Variants in CRPPA observed in about 807,000 individuals in gnomAD.
The protein encoded by CRPPA is D-ribitol-5-phosphate cytidylyltransferase.
A neutral mutation model predicts 52.0 loss-of-function variants in CRPPA; 43 were observed. The observed-to-expected ratio is 0.83, with a 90% CI of 0.65 to 1.07. CRPPA has a LOEUF of 1.07. Among genes scored for constraint, CRPPA ranks in the 50% least tolerant of loss-of-function variants. The probability of loss-of-function intolerance (pLI) is 0.00; values close to 1 mark genes in which losing one functional copy is unlikely to be tolerated. For synonymous variants in CRPPA, 250 were observed against 203.5 expected (o/e 1.23, Z -1.94); for missense variants, 629 against 551.7 (o/e 1.14, Z -1.40).
At chr7:16,201,679 C>T (rs1781863695) in intron 9 of CRPPA, among the ~76,000 whole-genome samples, 2 of 152,170 alleles carry the variant, frequency 1.3e-5, no homozygotes, top group South Asian at 4.1e-4. Flanking sequence ...TTGTAACACT[C>T]CTGCTCGCTG....
At chr7:16,174,918 C>G (rs1389459448) in intron 9 of CRPPA, among the ~76,000 whole-genome samples, 1 of 152,152 alleles carries the variant, frequency 6.6e-6, no homozygotes, top group Non-Finnish European at 1.5e-5. Context: ...GGTTAAACCA[C>G]TAACCTGCAG....
At chr7:16,113,856 G>C (rs1025846645) in intron 9 of CRPPA, among the ~76,000 whole-genome samples, 2 of 151,868 alleles carry the variant, frequency 1.3e-5, no homozygotes, top group African/African-American at 2.4e-5. Flanking sequence ...AATAATCTCT[G>C]AATCAAGGTC....
At chr7:16,329,586 C>A (rs6945845) in intron 3 of CRPPA, among the ~76,000 whole-genome samples, 3,970 of 152,196 alleles carry the variant, frequency 0.026, 159 homozygotes, top group African/African-American at 0.091. Context: ...AGGTTTTAAA[C>A]TACATATGTG....
chr7:16,370,631 AG>A (rs1786724358), intron 3 of CRPPA, among the ~76,000 whole-genome samples: 2 of 152,202 alleles, frequency 1.3e-5, no homozygotes, highest in Non-Finnish European at 2.9e-5. Flanking sequence ...CTCGAGTCCC[AG>A]ATCTTTCCGC....
intron 9 of CRPPA, among the ~76,000 whole-genome samples, chr7:16,199,096 A>G (rs1223808447): frequency 2.0e-5 from 3 of 152,168 alleles, no homozygotes; most frequent in Non-Finnish European, 4.4e-5. Flanking sequence ...GCTCTCTCCC[A>G]GACTTCCAAT....
At chr7:16,259,346 G>A (rs922511438) in intron 6 of CRPPA, among the ~76,000 whole-genome samples, 1 of 152,000 alleles carries the variant, frequency 6.6e-6, no homozygotes, top group Non-Finnish European at 1.5e-5. Flanking sequence ...GACTAAAAGA[G>A]AAAGGGTGCA....
intron 9 of CRPPA, among the ~76,000 whole-genome samples, chr7:16,114,482 G>A (rs942495277): frequency 6.6e-5 from 10 of 152,030 alleles, no homozygotes; most frequent in Non-Finnish European, 1.5e-4. Flanking sequence ...AATATGAAAA[G>A]AAAGAAGGGA....
intron 5 of CRPPA, among the ~76,000 whole-genome samples, chr7:16,286,080 T>G (rs865935176): frequency 0.033 from 564 of 17,270 alleles, 31 homozygotes; most frequent in Non-Finnish European, 0.038. Flanking sequence ...TATATATATA[T>G]AATATTTAAA....
chr7:16,337,732 T>G (rs1267594695), intron 3 of CRPPA, among the ~76,000 whole-genome samples: 1 of 152,018 alleles, frequency 6.6e-6, no homozygotes, highest in Non-Finnish European at 1.5e-5. Flanking sequence ...AAAAGATTAC[T>G]AAAAACAATT....
intron 8 of CRPPA, among the ~76,000 whole-genome samples, chr7:16,244,159 T>C (rs1057198529): frequency 6.6e-6 from 1 of 152,152 alleles, no homozygotes; most frequent in Non-Finnish European, 1.5e-5. Context: ...CTCTTCATGG[T>C]GAAAATTTGT....
intron 8 of CRPPA, among the ~76,000 whole-genome samples, chr7:16,229,891 C>T (rs1204115716): frequency 1.3e-5 from 2 of 152,080 alleles, no homozygotes; most frequent in African/African-American, 2.4e-5. Context: ...TTCTGAAGGA[C>T]ACCTTTGCTG....
intron 9 of CRPPA, among the ~76,000 whole-genome samples, chr7:16,206,273 G>C (rs1781971799): frequency 6.6e-6 from 1 of 152,084 alleles, no homozygotes; most frequent in Non-Finnish European, 1.5e-5. Context: ...ATACATACCA[G>C]TAGGTAATAT....
chr7:16,099,569 G>A (rs1358144024), intron 9 of CRPPA, among the ~76,000 whole-genome samples: 1 of 152,082 alleles, frequency 6.6e-6, no homozygotes, highest in Non-Finnish European at 1.5e-5. Flanking sequence ...GTAAAACCCT[G>A]TAAGGCAGCA....
At chr7:16,381,400 T>C (rs1384668123) in intron 2 of CRPPA, among the ~76,000 whole-genome samples, 3 of 152,010 alleles carry the variant, frequency 2.0e-5, no homozygotes, top group Non-Finnish European at 2.9e-5. Flanking sequence ...TGAGGAGAGC[T>C]TTACTTCCAA....
At chr7:16,176,962 T>G (rs961400089) in intron 9 of CRPPA, among the ~76,000 whole-genome samples, 6 of 152,176 alleles carry the variant, frequency 3.9e-5, no homozygotes, top group African/African-American at 1.4e-4. Flanking sequence ...AAGAATACTA[T>G]TCAGCATTAA....
chr7:16,330,015 C>T (rs565098604), intron 3 of CRPPA, among the ~76,000 whole-genome samples: 2 of 152,262 alleles, frequency 1.3e-5, no homozygotes, highest in East Asian at 3.9e-4. Flanking sequence ...CTGAAAATCA[C>T]GGTATATCGC....
chr7:16,170,559 G>A (rs990713052), intron 9 of CRPPA, among the ~76,000 whole-genome samples: 3 of 152,228 alleles, frequency 2.0e-5, no homozygotes, highest in Non-Finnish European at 4.4e-5. Flanking sequence ...ATTGCAAAGA[G>A]CGAAAGAACA....
intron 1 of CRPPA, among the ~76,000 whole-genome samples, chr7:16,418,839 T>G (rs1184024564): frequency 6.6e-6 from 1 of 152,148 alleles, no homozygotes; most frequent in Non-Finnish European, 1.5e-5. Flanking sequence ...CAGTGAGATT[T>G]TTAGTGTCCG....
At chr7:16,203,774 A>G (rs962235784) in intron 9 of CRPPA, among the ~76,000 whole-genome samples, 31 of 152,270 alleles carry the variant, frequency 2.0e-4, no homozygotes, top group Admixed American at 2.0e-3. Context: ...TGATAAACCA[A>G]TTAGCTCATC....
Sources: allele counts gnomAD v4.1 joint callset (sites outside exome capture counted in the v4.1 genomes callset), GRCh38; gene constraint gnomAD v4.1.1; transcripts MANE v1.5; gene names NCBI Gene and HGNC (gene_info 2026-07-23, HGNC 2026-07-21).